The following USP37 variants were observed in gnomAD, a reference collection of about 807,000 sequenced individuals.
USP37 encodes the protein ubiquitin specific peptidase 37, also known as ubiquitin carboxyl-terminal hydrolase 37.
USP37 carries 27 observed loss-of-function variants against 124.0 expected under a neutral mutation model. The observed-to-expected ratio is 0.22, with a 90% confidence interval of 0.16 to 0.30. The LOEUF (loss-of-function observed/expected upper bound fraction) is 0.30. Ranked by LOEUF, USP37 falls within the 10% of genes least tolerant of loss-of-function variation. USP37 has a pLI of 1.00. For synonymous variants in USP37, 365 were observed against 388.0 expected (o/e 0.94, Z 0.70); for missense variants, 889 against 1,140.4 (o/e 0.78, Z 3.17).
At chr2:218,525,321 A>T (rs1388102704) in intron 10 of USP37, among the ~76,000 whole-genome samples, 2 of 152,116 alleles carry the variant, frequency 1.3e-5, no homozygotes, top group Non-Finnish European at 2.9e-5. Context: ...TGTCTACGAA[A>T]AATACCAAAA....
At chr2:218,516,802 G>A (rs1297870984) in intron 10 of USP37, among the ~76,000 whole-genome samples, 1 of 152,154 alleles carries the variant, frequency 6.6e-6, no homozygotes, top group Admixed American at 6.5e-5. Context: ...ACTGAGCTAG[G>A]AAATGTATGT....
chr2:218,546,893 G>C lies in USP37; in HGVS notation c.602+26C>G, dbSNP rs376629652. On this transcript the variant is annotated intron_variant, in intron 7 of 25. Transcript: ENST00000258399. ...TAAAAGACATTTACAGATACAGCTA[G>C]TGACTAAGAAAAAAGTCTCTCCTAC... 15 of 1,600,104 alleles carry C rather than the reference G, an allele frequency of 9.4e-6. No homozygotes were observed. In the African/African-American group the frequency reaches 1.9e-4, roughly 20 times the overall value.
At chr2:218,488,175 C>CAAAAA (rs66581703) in intron 15 of USP37, 129 bp downstream of exon 15, 216 of 349,670 alleles carry the variant, frequency 6.2e-4, no homozygotes, top group African/African-American at 5.4e-3. Context: ...GACCCTGTCT[C>CAAAAA]AAAAAAAAAA....
chr2:218,495,973 A>C, intron 13 of USP37, 23 bp from the exon 14 acceptor site: 1 of 1,589,598 alleles, frequency 6.3e-7, no homozygotes, highest in Non-Finnish European at 8.5e-7. Flanking sequence ...CAATATCCTT[A>C]ATCAGATAAA....
chr2:218,474,396 C>G (rs960611980), intron 20 of USP37, among the ~76,000 whole-genome samples: 1 of 152,162 alleles, frequency 6.6e-6, no homozygotes, highest in Non-Finnish European at 1.5e-5. Context: ...GAGTCTCACT[C>G]TGTCGCCCAG....
intron 9 of USP37, among the ~76,000 whole-genome samples, chr2:218,531,228 T>C (rs1691303541): frequency 6.6e-6 from 1 of 152,196 alleles, no homozygotes; most frequent in African/African-American, 2.4e-5. Context: ...TAGGCGCTAA[T>C]GTGGCTGAGG....
At chr2:218,542,324 T>TA (rs1242320148) in intron 8 of USP37, among the ~76,000 whole-genome samples, 3 of 152,206 alleles carry the variant, frequency 2.0e-5, no homozygotes, top group African/African-American at 7.2e-5. Context: ...ATCGGTAACC[T>TA]AGTGTTTAAC....
chr2:218,477,548 A>G (rs1691043835), intron 18 of USP37, among the ~76,000 whole-genome samples: 1 of 152,220 alleles, frequency 6.6e-6, no homozygotes, highest in Admixed American at 6.5e-5. Context: ...GGTGAATAAA[A>G]TAGTGTATCA....
At chr2:218,530,724 T>C (rs1022551873) in intron 9 of USP37, among the ~76,000 whole-genome samples, 1 of 152,148 alleles carries the variant, frequency 6.6e-6, no homozygotes, top group African/African-American at 2.4e-5. Flanking sequence ...AAACAGCCAA[T>C]GCAAAGGAAA....
Position 218,562,159 on chromosome 2 carries a change from C to T in USP37, c.-89+514G>A, listed in dbSNP as rs148642795. On this transcript the variant is annotated intron_variant, in intron 2 of 25. Transcript: ENST00000258399. The stretch of plus-strand genomic sequence containing the variant: ...CTAAATGAATTGACAGCTACATTTG[C>T]TCATTCATTATATTATCAGGGCTTG... 2.2e-3 allele frequency among the ~76,000 whole-genome samples: 338 copies of T among 152,306 alleles called. 2 individuals are homozygous for T. Among genetic ancestry groups the T allele is most frequent in the Non-Finnish European group, 3.1e-3 (209 of 68,024 alleles).
intron 10 of USP37, among the ~76,000 whole-genome samples, chr2:218,515,962 G>GA (rs138664672): frequency 0.99 from 150,865 of 152,330 alleles, 74,724 homozygotes; most frequent in Middle Eastern, 1. Context: ...GGTCATTAGA[G>GA]AATGCAAATC....
At chr2:218,535,065 C>A (rs1691543783) in intron 8 of USP37, among the ~76,000 whole-genome samples, 1 of 152,070 alleles carries the variant, frequency 6.6e-6, no homozygotes, top group Admixed American at 6.6e-5. Context: ...CCAAAAGAAT[C>A]AATTAAAAAG....
chr2:218,553,973 A>G (rs1402690428), intron 4 of USP37, among the ~76,000 whole-genome samples: 2 of 152,204 alleles, frequency 1.3e-5, no homozygotes, highest in Non-Finnish European at 2.9e-5. Context: ...CAAGGGTAAT[A>G]GAGAAGGAAA....
At chr2:218,492,219 A>G (rs1224490276) in intron 14 of USP37, among the ~76,000 whole-genome samples, 3 of 151,976 alleles carry the variant, frequency 2.0e-5, no homozygotes, top group Admixed American at 2.0e-4. Context: ...ATCAGCAATT[A>G]AATAAAAATA....
intron 22 of USP37, among the ~76,000 whole-genome samples, chr2:218,460,412 A>T (rs1689953354): frequency 6.6e-6 from 1 of 152,220 alleles, no homozygotes; most frequent in Non-Finnish European, 1.5e-5. Flanking sequence ...GAGACATGGT[A>T]TCTGTAAAAG....
At chr2:218,463,201 CA>C (rs1690120715) in intron 22 of USP37, 104 bp downstream of exon 22, 2 of 673,152 alleles carry the variant, frequency 3.0e-6, no homozygotes, top group Non-Finnish European at 5.0e-6. Flanking sequence ...CACACACACA[CA>C]CACACACACA....
chr2:218,519,216 T>C (rs1440851361), intron 10 of USP37, among the ~76,000 whole-genome samples: 3 of 152,196 alleles, frequency 2.0e-5, no homozygotes, highest in East Asian at 1.9e-4. Context: ...TATAGAAATA[T>C]GTTGAGGTGT....
chr2:218,471,155 T>C (rs915293199), intron 20 of USP37, among the ~76,000 whole-genome samples: 1 of 152,156 alleles, frequency 6.6e-6, no homozygotes, highest in African/African-American at 2.4e-5. Context: ...CTTCACCAGC[T>C]TGGGTGCAGG....
intron 22 of USP37, among the ~76,000 whole-genome samples, chr2:218,460,977 C>T (rs766320059): frequency 2.0e-5 from 3 of 151,812 alleles, no homozygotes; most frequent in African/African-American, 7.3e-5. Context: ...TTTCTTGAAA[C>T]GTACCAAAAA....
Sources: gnomAD v4.1 joint callset for allele counts (sites outside exome capture counted in the v4.1 genomes callset) on GRCh38, gnomAD v4.1.1 for gene constraint, MANE v1.5 for transcripts, NCBI Gene and HGNC (gene_info 2026-07-23, HGNC 2026-07-21) for gene names.